The following TNFRSF8 variants were observed in gnomAD, a reference collection of about 807,000 sequenced individuals.
TNFRSF8 encodes tumor necrosis factor receptor superfamily member 8.
A neutral mutation model predicts 70.8 loss-of-function variants in TNFRSF8; 26 were observed. The ratio of observed to expected loss-of-function variants is 0.37; its 90% confidence interval spans 0.27 to 0.51. The LOEUF is 0.51. Ranked by LOEUF, TNFRSF8 falls within the 20% of genes least tolerant of loss-of-function variation. The probability of loss-of-function intolerance (pLI) is 0.94; values close to 1 mark genes in which losing one functional copy is unlikely to be tolerated. For synonymous variants in TNFRSF8, 356 were observed against 339.2 expected, an observed-to-expected ratio of 1.05 and a Z score of -0.54; for missense variants, 720 against 807.9, an observed-to-expected ratio of 0.89 and a Z score of 1.32.
At chr1:12,065,302 C>A (rs1002710850) in intron 1 of TNFRSF8, among the ~76,000 whole-genome samples, 13 of 152,000 alleles carry the variant, frequency 8.6e-5, no homozygotes, top group African/African-American at 3.1e-4. Flanking sequence ...AGTCTGGTCT[C>A]GAACTCCTGA....
chr1:12,096,974 G>T, intron 2 of TNFRSF8, 127 bp from the exon 3 acceptor site: 1 of 682,010 alleles, frequency 1.5e-6, no homozygotes, highest in Non-Finnish European at 2.6e-6. Context: ...ACAAGAATTG[G>T]ACTGACAGTT....
Position 12,109,523 on chromosome 1 carries a change from G to A in TNFRSF8, c.422-43G>A. The A allele has an allele frequency of 1.9e-6, 3 of 1,545,348 alleles. No homozygotes were observed. Among genetic ancestry groups the A allele is most frequent in the Non-Finnish European group, 2.7e-6 (3 of 1,121,228 alleles). ...AAGGGTGTATTCCGGGAGACTTTGG[G>A]TCCCCAACACTGATTCTGAAGGCAC... On this transcript the variant is annotated intron_variant, in intron 4 of 14. Coordinates refer to ENST00000263932, the MANE Select transcript of TNFRSF8 (RefSeq NM_001243.5). The surrounding 1 kb of genome is among the most constrained non-coding windows in gnomAD (Gnocchi z 4.4).
intron 12 of TNFRSF8, among the ~76,000 whole-genome samples, chr1:12,132,837 C>CAAAAAA (rs55643235): frequency 1.1e-4 from 8 of 74,404 alleles, no homozygotes; most frequent in Admixed American, 5.4e-4. Flanking sequence ...GACTCCATCT[C>CAAAAAA]AAAAAAAAAA....
chr1:12,125,177 C>T (rs1390691487), intron 10 of TNFRSF8, among the ~76,000 whole-genome samples: 1 of 152,226 alleles, frequency 6.6e-6, no homozygotes, highest in Non-Finnish European at 1.5e-5. Context: ...AACATCTAAA[C>T]ATGGACTTCA....
chr1:12,080,467 C>T, intron 1 of TNFRSF8: 1 of 524,208 alleles, frequency 1.9e-6, no homozygotes, highest in East Asian at 5.2e-5. Flanking sequence ...TCATGGCAGA[C>T]TCTGTGGTCA....
At chr1:12,106,884 C>A (rs570568967) in intron 4 of TNFRSF8, among the ~76,000 whole-genome samples, 1 of 152,350 alleles carries the variant, frequency 6.6e-6, no homozygotes, top group African/African-American at 2.4e-5. Flanking sequence ...CCAAAAAGGC[C>A]AAACTTCCCA....
chr1:12,085,202 C>T (rs970693684), intron 2 of TNFRSF8, among the ~76,000 whole-genome samples: 9 of 152,156 alleles, frequency 5.9e-5, no homozygotes, highest in African/African-American at 2.2e-4. Context: ...CCTCCACCTC[C>T]CGGGTTCAAG....
At position 12,109,637 on chromosome 1, in the gene TNFRSF8, A is replaced by T. The variant is rs954005691; in HGVS notation, c.493A>T (p.Asn165Tyr). The T allele has an allele frequency of 6.2e-7, 1 of 1,613,600 alleles. No individual in the cohort carries two copies. The highest frequency in any genetic ancestry group is 2.2e-5 in the East Asian group (1 of 44,882). The change falls in exon 5 of 15, where the codon AAC becomes TAC. Residue 165 changes from asparagine (N) to tyrosine (Y), a missense_variant. Asn to Tyr is a moderately radical substitution (Grantham distance 143). Transcript: ENST00000263932. The surrounding 1 kb of genome is among the most constrained non-coding windows in gnomAD (Gnocchi z 4.4). Reference sequence around the variant, plus strand: ...CAGCCCTGCCTGTGCCAGCCCAGAGAACTGCAAGGAACCCTCCAGGTGACT... The same window carrying T: ...CAGCCCTGCCTGTGCCAGCCCAGAGTACTGCAAGGAACCCTCCAGGTGACT... ...GVSPACASPE[N>Y]CKEPSSGTIP...
intron 12 of TNFRSF8, among the ~76,000 whole-genome samples, chr1:12,130,666 C>T (rs1393239760): frequency 2.0e-5 from 3 of 152,338 alleles, no homozygotes; most frequent in African/African-American, 7.2e-5. Context: ...CATGTGAGAA[C>T]GCACGTGCTC....
At chr1:12,115,029 A>T (rs1010768839) in intron 7 of TNFRSF8, among the ~76,000 whole-genome samples, 2 of 152,114 alleles carry the variant, frequency 1.3e-5, no homozygotes, top group African/African-American at 4.8e-5. Context: ...TATTATTAAA[A>T]ATTTCAAACA....
chr1:12,097,069 C>A (rs202021693), intron 2 of TNFRSF8, 32 bp from the exon 3 acceptor site: 5 of 1,589,078 alleles, frequency 3.1e-6, no homozygotes, highest in Non-Finnish European at 4.3e-6. Context: ...CTAAGTCAGC[C>A]TGGCTTGGAG....
intron 4 of TNFRSF8, among the ~76,000 whole-genome samples, chr1:12,105,638 C>A (rs574315883): frequency 1.2e-4 from 18 of 151,948 alleles, no homozygotes; most frequent in African/African-American, 4.3e-4. Context: ...TCCTGTTACT[C>A]TAAAGATAAG....
Position 12,126,023 on chromosome 1 carries a change from G to A in TNFRSF8, c.1226G>A (p.Arg409Gln), listed in dbSNP as rs377407473. ...TCCAGCGCCTTCCTCCTGTGCCACC[G>A]GAGGGCCTGCAGGAAGCGAATTCGG... The part of the protein sequence containing the change: ...VGSSAFLLCH[R>Q]RACRKRIRQK... The change falls in exon 11 of 15, where the codon CGG (arginine) becomes CAG (glutamine). Residue 409 changes from arginine (R) to glutamine (Q), a missense_variant. Coordinates refer to ENST00000263932, the MANE Select transcript of TNFRSF8 (RefSeq NM_001243.5). 41 of 1,614,050 alleles carry A rather than the reference G, an allele frequency of 2.5e-5. 1 individual carries two copies. The highest frequency in any genetic ancestry group is 2.0e-4 in the East Asian group (9 of 44,892).
chr1:12,110,291 G>C lies in TNFRSF8; in HGVS notation c.676+87G>C. 7.3e-7 allele frequency: 1 copy of C among 1,361,950 alleles called. No homozygotes were observed. The highest frequency in any genetic ancestry group is 9.8e-7 in the Non-Finnish European group (1 of 1,018,210). The allele number at this position is 1,361,950 out of a possible 1,614,324, so 84.4% of individuals were successfully genotyped here. A position where few individuals can be genotyped will look rare whatever the true frequency, so the allele number is the denominator to read the frequency against. ...GAGTGGGGGTGTTTGGAGCAGGCGG[G>C]CAGTGATCTGTGGTCTTTTCCTGGT... On this transcript the variant is annotated intron_variant, in intron 6 of 14. Transcript: ENST00000263932. The surrounding 1 kb of genome is among the most constrained non-coding windows in gnomAD (Gnocchi z 4.0).
intron 7 of TNFRSF8, 24 bp from the exon 8 acceptor site, chr1:12,115,553 G>T: frequency 6.2e-7 from 1 of 1,614,100 alleles, no homozygotes; most frequent in African/African-American, 1.3e-5. Context: ...ATCTTTCTCC[G>T]TGATCCTCAT....
chr1:12,105,334 C>T (rs905197589), intron 4 of TNFRSF8, among the ~76,000 whole-genome samples: 1 of 152,108 alleles, frequency 6.6e-6, no homozygotes, highest in South Asian at 2.1e-4. Flanking sequence ...TGGCAGTCAC[C>T]CCCATCGCTA....
intron 10 of TNFRSF8, 76 bp downstream of exon 10, chr1:12,123,903 G>A (rs1205145516): frequency 7.6e-7 from 1 of 1,309,092 alleles, no homozygotes; most frequent in Non-Finnish European, 1.1e-6. Context: ...GGGGAGCCAG[G>A]AGGGAGCTTC....
rs148965322 is a variant in TNFRSF8, at chr1:12,142,054, A to G, written c.1544-233A>G. 1.1e-4 allele frequency among the ~76,000 whole-genome samples: 17 copies of G among 152,236 alleles called. No homozygotes were observed. The highest frequency in any genetic ancestry group is 4.1e-4 in the African/African-American group (17 of 41,526). ...TACCCATCCGCAGAGATGTGCTGAG[A>G]AAATCCTAAGTACAAGTGGGCTGGT... On this transcript the variant is annotated intron_variant, in intron 14 of 14. Coordinates refer to ENST00000263932, the MANE Select transcript of TNFRSF8 (RefSeq NM_001243.5). The surrounding 1 kb of genome is among the most constrained non-coding windows in gnomAD (Gnocchi z 5.0).
intron 1 of TNFRSF8, among the ~76,000 whole-genome samples, chr1:12,073,132 A>G (rs1047018519): frequency 2.6e-5 from 4 of 152,092 alleles, no homozygotes; most frequent in African/African-American, 9.7e-5. Context: ...GGTGGTACAC[A>G]CCTGTGGTCC....
Sources: gnomAD v4.1 joint callset for allele counts (sites outside exome capture counted in the v4.1 genomes callset) on GRCh38, gnomAD v4.1.1 for gene constraint, Gnocchi (gnomAD v3.1) non-coding constraint, MANE v1.5 for transcripts, NCBI Gene and HGNC (gene_info 2026-07-23, HGNC 2026-07-21) for gene names.